The following USH2A variants were observed in gnomAD, a reference collection of about 807,000 sequenced individuals.
The protein encoded by USH2A is Usher syndrome 2A (autosomal recessive, mild).
A neutral mutation model predicts 538.9 loss-of-function variants in USH2A; 443 were observed. The ratio of observed to expected loss-of-function variants is 0.82; its 90% CI spans 0.76 to 0.89. The LOEUF (loss-of-function observed/expected upper bound fraction) is 0.89, where lower values mean the gene tolerates loss of function less well. USH2A is among the 40% of genes least tolerant of loss of function. The pLI, the probability that USH2A is intolerant of heterozygous loss-of-function variation, is 0.00. For synonymous variants in USH2A, 2,413 were observed against 2,273.5 expected (o/e 1.06, Z -1.75); for missense variants, 6,633 against 6,324.8 (o/e 1.05, Z -1.65).
intron 48 of USH2A, among the ~76,000 whole-genome samples, chr1:215,816,529 T>A (rs1020296937): frequency 1.3e-5 from 2 of 152,080 alleles, no homozygotes; most frequent in African/African-American, 4.8e-5. Flanking sequence ...TGTTTGTCAA[T>A]AAAAGTCATT....
At chr1:215,857,266 T>A (rs1664194777) in intron 44 of USH2A, among the ~76,000 whole-genome samples, 1 of 152,202 alleles carries the variant, frequency 6.6e-6, no homozygotes. Context: ...TCTGGGTGAA[T>A]CCCATTAAAT....
intron 37 of USH2A, among the ~76,000 whole-genome samples, chr1:215,954,079 G>A (rs1666999246): frequency 6.6e-6 from 1 of 152,180 alleles, no homozygotes; most frequent in Non-Finnish European, 1.5e-5. Flanking sequence ...TGCTGGAGAG[G>A]ATGTGGAGAA....
chr1:215,668,654 C>T (rs372696905), intron 64 of USH2A, among the ~76,000 whole-genome samples: 33 of 152,156 alleles, frequency 2.2e-4, no homozygotes, highest in African/African-American at 7.7e-4. Context: ...AATGTGGGTC[C>T]CTTTGTTCTT....
chr1:216,345,470 A>C (rs1230242319), intron 4 of USH2A, among the ~76,000 whole-genome samples: 1 of 152,138 alleles, frequency 6.6e-6, no homozygotes, highest in Non-Finnish European at 1.5e-5. Flanking sequence ...GGAACCCAGA[A>C]GCCTGGCATG....
chr1:216,323,393 G>C (rs1435835236), intron 8 of USH2A, 81 bp downstream of exon 8: 10 of 1,378,112 alleles, frequency 7.3e-6, no homozygotes, highest in Middle Eastern at 1.9e-4. Flanking sequence ...CTTGAAATCT[G>C]GCTTGCTCTG....
chr1:215,712,432 G>A (rs1349679379), intron 61 of USH2A, among the ~76,000 whole-genome samples: 1 of 152,152 alleles, frequency 6.6e-6, no homozygotes, highest in African/African-American at 2.4e-5. Flanking sequence ...CAGCACTGTC[G>A]TTTTTGAAGG....
At chr1:216,305,190 G>A (rs777123826) in intron 9 of USH2A, among the ~76,000 whole-genome samples, 1 of 151,900 alleles carries the variant, frequency 6.6e-6, no homozygotes, top group African/African-American at 2.4e-5. Flanking sequence ...TCTAAATCTG[G>A]GAGCTCTGGA....
chr1:216,312,151 A>G (rs1325266485), intron 9 of USH2A, among the ~76,000 whole-genome samples: 2 of 151,476 alleles, frequency 1.3e-5, no homozygotes, highest in Non-Finnish European at 2.9e-5. Context: ...ATAATTTTGC[A>G]AGATACAGAA....
At chr1:216,224,637 G>A (rs1306727087) in intron 14 of USH2A, among the ~76,000 whole-genome samples, 2 of 152,138 alleles carry the variant, frequency 1.3e-5, no homozygotes, top group African/African-American at 4.8e-5. Flanking sequence ...TGTTGGTTGT[G>A]TAGTTTAGGG....
chr1:216,035,295 T>C (rs1669223424), intron 32 of USH2A, among the ~76,000 whole-genome samples: 1 of 152,110 alleles, frequency 6.6e-6, no homozygotes, highest in Non-Finnish European at 1.5e-5. Context: ...CTAGTGTCCT[T>C]ATAAAAAGGA....
At chr1:215,766,537 G>T in intron 56 of USH2A, 144 bp downstream of exon 56, 1 of 785,670 alleles carries the variant, frequency 1.3e-6, no homozygotes. Context: ...CAAGCCTGAA[G>T]AATGGGAACC....
At chr1:216,332,182 G>A (rs998068917) in intron 4 of USH2A, among the ~76,000 whole-genome samples, 3 of 152,074 alleles carry the variant, frequency 2.0e-5, no homozygotes, top group African/African-American at 7.2e-5. Context: ...TCAGATGATT[G>A]TCATTATTCG....
At chr1:216,340,001 G>A (rs954459658) in intron 4 of USH2A, among the ~76,000 whole-genome samples, 3 of 151,798 alleles carry the variant, frequency 2.0e-5, no homozygotes, top group East Asian at 1.9e-4. Context: ...AGAACTGAAG[G>A]AGAGAGAGAC....
intron 40 of USH2A, among the ~76,000 whole-genome samples, chr1:215,891,881 T>TA (rs1665218804): frequency 6.6e-6 from 1 of 152,166 alleles, no homozygotes; most frequent in African/African-American, 2.4e-5. Context: ...TGTAATTGTT[T>TA]AGAGAACTCC....
chr1:215,880,078 T>C (rs1664868546), intron 41 of USH2A, among the ~76,000 whole-genome samples: 1 of 152,160 alleles, frequency 6.6e-6, no homozygotes, highest in Non-Finnish European at 1.5e-5. Flanking sequence ...TAGAGTCATG[T>C]TTTGTTAGAT....
rs1388571072 is a variant in USH2A at position 215,624,571 on chromosome 1, TGA to T, written c.*1208_*1209del. The T allele has an allele frequency of 1.3e-5, 2 of 152,056 alleles. No individual in the cohort carries two copies. Among genetic ancestry groups the T allele is most frequent in the Non-Finnish European group, 2.9e-5 (2 of 67,932 alleles). 9.4% of individuals were successfully genotyped at this position (152,056 alleles called of 1,614,324 possible). A position where few individuals can be genotyped will look rare whatever the true frequency, so the allele number is the denominator to read the frequency against. ...TCCATGAAGAACAAATTTAAATATC[TGA>T]TTTTATGTGGATGATTTGCAAGAAA... On this transcript the variant is annotated 3_prime_UTR_variant, in exon 72 of 72. Coordinates refer to ENST00000307340, the MANE Select transcript of USH2A (RefSeq NM_206933.4).
intron 21 of USH2A, among the ~76,000 whole-genome samples, chr1:216,117,275 T>A (rs2033031567): frequency 2.0e-5 from 3 of 152,148 alleles, no homozygotes; most frequent in African/African-American, 7.2e-5. Flanking sequence ...AATATTTATC[T>A]CCAAATACGT....
At chr1:216,024,172 A>C (rs1281429108) in intron 32 of USH2A, among the ~76,000 whole-genome samples, 1 of 152,130 alleles carries the variant, frequency 6.6e-6, no homozygotes, top group Non-Finnish European at 1.5e-5. Flanking sequence ...AGGGAAACAA[A>C]ATGAAACAAA....
chr1:216,252,520 A>G (rs1188184489), intron 11 of USH2A, among the ~76,000 whole-genome samples: 1 of 152,248 alleles, frequency 6.6e-6, no homozygotes, highest in Admixed American at 6.5e-5. Context: ...AATAATTTTT[A>G]AAGAACTATC....
Sources: allele counts gnomAD v4.1 joint callset (sites outside exome capture counted in the v4.1 genomes callset), GRCh38; gene constraint gnomAD v4.1.1; transcripts MANE v1.5; gene names NCBI Gene and HGNC (gene_info 2026-07-23, HGNC 2026-07-21).